The following PREX1 variants were observed in gnomAD, a reference collection of about 807,000 sequenced individuals.
PREX1 encodes the protein phosphatidylinositol-3,4,5-trisphosphate dependent Rac exchange factor 1, also known as phosphatidylinositol 3,4,5-trisphosphate-dependent Rac exchanger 1 protein.
PREX1 carries 41 observed loss-of-function variants against 198.3 expected under a neutral mutation model. That is an observed-to-expected ratio of 0.21 (90% CI 0.16 to 0.27). The LOEUF (loss-of-function observed/expected upper bound fraction) is 0.27, where lower values mean the gene tolerates loss of function less well. Among genes scored for constraint, PREX1 ranks in the 10% least tolerant of loss-of-function variants. The pLI is 1.00. For synonymous variants in PREX1, 843 were observed against 887.2 expected (o/e 0.95, Z 0.89); for missense variants, 1,620 against 2,200.7 (o/e 0.74, Z 5.28).
intron 33 of PREX1, among the ~76,000 whole-genome samples, chr20:48,633,056 A>C (rs4809713): frequency 6.6e-6 from 1 of 152,198 alleles, no homozygotes; most frequent in African/African-American, 2.4e-5. Context: ...AACAGGGTAT[A>C]CATCTGATTC....
intron 1 of PREX1, among the ~76,000 whole-genome samples, chr20:48,749,339 G>T (rs754194264): frequency 1.3e-5 from 2 of 152,162 alleles, no homozygotes; most frequent in Non-Finnish European, 2.9e-5. Flanking sequence ...ACAGATTGGG[G>T]GTCCACACGG....
Position 48,626,736 on chromosome 20 carries a change from C to T in PREX1, c.4938-809G>A, listed in dbSNP as rs1009122742. 1.1e-4 allele frequency among the ~76,000 whole-genome samples: 17 copies of T among 152,210 alleles called. No individual in the cohort carries two copies. The East Asian group carries it at 2.9e-3, about 26-fold the overall frequency. On this transcript the variant is annotated intron_variant, in intron 39 of 39. Coordinates refer to ENST00000371941, the MANE Select transcript of PREX1 (RefSeq NM_020820.4). Reference sequence around the variant, plus strand: ...AGGTGTTGCCGGCGCTCTGTGGTTACGTAAGACGTTGCCGCTGGCGGGGAG... The same window carrying T: ...AGGTGTTGCCGGCGCTCTGTGGTTATGTAAGACGTTGCCGCTGGCGGGGAG...
Position 48,684,309 on chromosome 20 carries a change from A to T in PREX1, c.1335-2974T>A, listed in dbSNP as rs571522735. On this transcript the variant is annotated intron_variant, in intron 10 of 39. Transcript: ENST00000371941. The surrounding 1 kb of genome is among the most constrained non-coding windows in gnomAD (Gnocchi z 4.2). The stretch of plus-strand genomic sequence containing the variant: ...TCCCTTGTTCTTGCCTGATTCCTCC[A>T]TGGGCCGTGGGCTCCAAGAGGGTAG... Among the ~76,000 whole-genome samples the T allele has an allele frequency of 2.0e-5, 3 of 152,242 alleles. No homozygotes were observed. The South Asian group carries it at 6.2e-4, about 32-fold the overall frequency.
At chr20:48,709,091 C>T (rs2089918037) in intron 5 of PREX1, among the ~76,000 whole-genome samples, 1 of 152,144 alleles carries the variant, frequency 6.6e-6, no homozygotes. Flanking sequence ...AAGGCCAGGC[C>T]AGTCTTAATC....
At chr20:48,745,209 A>G in intron 2 of PREX1, 62 bp from the exon 3 acceptor site, 13 of 1,532,206 alleles carry the variant, frequency 8.5e-6, no homozygotes, top group Non-Finnish European at 1.1e-5. Flanking sequence ...AAAGCCAAGC[A>G]CTGAAAAAAT....
chr20:48,782,623 G>A (rs1001494492), intron 1 of PREX1, among the ~76,000 whole-genome samples: 1 of 152,068 alleles, frequency 6.6e-6, no homozygotes, highest in Non-Finnish European at 1.5e-5. Flanking sequence ...AATAATGGCC[G>A]GCCAGGGAAG....
chr20:48,732,970 T>C (rs2090041268), intron 4 of PREX1, among the ~76,000 whole-genome samples: 1 of 151,768 alleles, frequency 6.6e-6, no homozygotes, highest in South Asian at 2.1e-4. Flanking sequence ...CTGGAGCCAC[T>C]ATACCAGCCC....
At chr20:48,730,028 C>T (rs761245295) in intron 4 of PREX1, among the ~76,000 whole-genome samples, 12 of 152,164 alleles carry the variant, frequency 7.9e-5, no homozygotes, top group South Asian at 2.1e-4. Context: ...CACCGACGGC[C>T]GCTGGAAGAT....
intron 1 of PREX1, among the ~76,000 whole-genome samples, chr20:48,790,506 GA>G (rs1005783818): frequency 5.3e-5 from 8 of 150,026 alleles, no homozygotes; most frequent in African/African-American, 2.0e-4. Flanking sequence ...CATGAGTGCG[GA>G]AAAAAAAAAG....
intron 19 of PREX1, 75 bp from the exon 20 acceptor site, chr20:48,653,572 C>T (rs1246802248): frequency 6.5e-7 from 1 of 1,542,946 alleles, no homozygotes; most frequent in East Asian, 2.3e-5. Flanking sequence ...TCCCCCACCA[C>T]CCACCACTGC....
At chr20:48,675,983 G>A (rs979498561) in intron 14 of PREX1, among the ~76,000 whole-genome samples, 3 of 151,556 alleles carry the variant, frequency 2.0e-5, no homozygotes, top group Admixed American at 6.6e-5. Context: ...GTTGCAGTGA[G>A]CTAAGACTGC....
chr20:48,853,154 T>C, the PREX1 span, among the ~76,000 whole-genome samples: 1 of 152,106 alleles, frequency 6.6e-6, no homozygotes, highest in Non-Finnish European at 1.5e-5. Flanking sequence ...AAACAAAAAT[T>C]TTAAATTATA....
intron 3 of PREX1, among the ~76,000 whole-genome samples, chr20:48,742,989 G>A (rs771728431): frequency 1.3e-5 from 2 of 152,130 alleles, no homozygotes; most frequent in Non-Finnish European, 2.9e-5. Flanking sequence ...AAGCAAGCTC[G>A]GATCATGACA....
At chr20:48,642,063 CGTTCAGCAGTAG>C in intron 29 of PREX1, 93 bp downstream of exon 29, 3 of 1,160,852 alleles carry the variant, frequency 2.6e-6, no homozygotes, top group Non-Finnish European at 3.8e-6. Context: ...ATCCTACAGT[CGTTCAGCAGTAG>C]GAGGGCAGAG....
intron 1 of PREX1, among the ~76,000 whole-genome samples, chr20:48,802,054 T>C (rs949085661): frequency 2.0e-5 from 3 of 152,118 alleles, no homozygotes; most frequent in African/African-American, 7.2e-5. Context: ...GCTAAATAAA[T>C]CTCTTTTCTT....
At chr20:48,643,479 TA>T (rs761864017) in intron 27 of PREX1, among the ~76,000 whole-genome samples, 11 of 146,446 alleles carry the variant, frequency 7.5e-5, no homozygotes, top group East Asian at 2.0e-4. Context: ...AAAAAAAATT[TA>T]AAAAAAAAAG....
chr20:48,637,673 C>G (rs1191340388), intron 31 of PREX1, 38 bp downstream of exon 31: 2 of 1,572,484 alleles, frequency 1.3e-6, no homozygotes, highest in East Asian at 4.5e-5. Context: ...GTGGAAGAGG[C>G]CGGGTATGTG....
At chr20:48,671,474 C>T (rs911450397) in intron 14 of PREX1, among the ~76,000 whole-genome samples, 3 of 152,148 alleles carry the variant, frequency 2.0e-5, no homozygotes, top group African/African-American at 4.8e-5. Flanking sequence ...AGAAGAATAT[C>T]GTATTAATAA....
intron 33 of PREX1, among the ~76,000 whole-genome samples, chr20:48,634,424 A>T (rs1601029800): frequency 6.6e-6 from 1 of 152,244 alleles, no homozygotes; most frequent in African/African-American, 2.4e-5. Context: ...ATTGGGTACC[A>T]GTGTCATTCT....
Sources: allele counts gnomAD v4.1 joint callset (sites outside exome capture counted in the v4.1 genomes callset), GRCh38; gene constraint gnomAD v4.1.1; non-coding constraint Gnocchi (gnomAD v3.1); transcripts MANE v1.5; gene names NCBI Gene and HGNC (gene_info 2026-07-23, HGNC 2026-07-21).